Variants in HECW2 observed in about 807,000 individuals in gnomAD.
The protein encoded by HECW2 is HECT, C2 and WW domain containing E3 ubiquitin protein ligase 2, also known as E3 ubiquitin-protein ligase HECW2.
Under a neutral mutation model 175.2 loss-of-function variants are expected in HECW2, and 61 were observed. The observed-to-expected ratio is 0.35, with a 90% confidence interval of 0.28 to 0.43. The LOEUF is 0.43. HECW2 is among the 20% of genes least tolerant of loss of function. The probability of loss-of-function intolerance (pLI) is 1.00; values close to 1 mark genes in which losing one functional copy is unlikely to be tolerated. For missense variants in HECW2, 1,524 were observed against 2,000.5 expected, an observed-to-expected ratio of 0.76 and a Z score of 4.54; for synonymous variants, 671 against 731.0, an observed-to-expected ratio of 0.92 and a Z score of 1.32.
chr2:196,543,688 C>T (rs971256529), intron 1 of HECW2, among the ~76,000 whole-genome samples: 2 of 152,166 alleles, frequency 1.3e-5, no homozygotes, highest in Non-Finnish European at 2.9e-5. Context: ...TCTTGGCTCA[C>T]TGCAACTTCC....
chr2:196,243,171 C>CTTT (rs57767817), intron 19 of HECW2, among the ~76,000 whole-genome samples: 83,692 of 142,080 alleles, frequency 0.59, 25,493 homozygotes, highest in Non-Finnish European at 0.66. Context: ...TTATTGGATT[C>CTTT]TTTTTTTTTT....
chr2:196,348,850 A>G (rs545821861), intron 2 of HECW2, among the ~76,000 whole-genome samples: 1 of 152,176 alleles, frequency 6.6e-6, no homozygotes, highest in South Asian at 2.1e-4. Flanking sequence ...AACAATTCCA[A>G]ATCTGTCTCT....
chr2:196,566,699 A>AT (rs58391487), intron 1 of HECW2, among the ~76,000 whole-genome samples: 1,110 of 94,224 alleles, frequency 0.012, 8 homozygotes, highest in Non-Finnish European at 0.013. Context: ...CACCCAGCTA[A>AT]TTTTTTTTTT....
intron 13 of HECW2, 37 bp from the exon 14 acceptor site, chr2:196,292,787 T>C (rs916750913): frequency 6.5e-7 from 1 of 1,543,776 alleles, no homozygotes; most frequent in Admixed American, 1.8e-5. Context: ...TTAACCCACT[T>C]GTGACATGCA....
At chr2:196,469,113 G>GTA (rs1377581142) in intron 1 of HECW2, among the ~76,000 whole-genome samples, 1 of 87,588 alleles carries the variant, frequency 1.1e-5, no homozygotes, top group African/African-American at 3.8e-5. Flanking sequence ...GTGTGTGTGT[G>GTA]TGTGTGCGTG....
At chr2:196,255,170 T>TC (rs869185255) in intron 18 of HECW2, among the ~76,000 whole-genome samples, 4 of 148,082 alleles carry the variant, frequency 2.7e-5, no homozygotes, top group African/African-American at 9.9e-5. Context: ...TTTTTTTTTT[T>TC]AGTAGAGATG....
rs866817311 is a variant in HECW2, at chr2:196,195,117, T to C, written c.*6160A>G. 1 of 152,150 alleles carries C rather than the reference T, an allele frequency of 6.6e-6. No individual in the cohort carries two copies. The highest frequency in any genetic ancestry group is 6.5e-5 in the Admixed American group (1 of 15,286). The allele number at this position is 152,150 out of a possible 1,614,324, so 9.4% of individuals were successfully genotyped here. On this transcript the variant is annotated 3_prime_UTR_variant, in exon 29 of 29. Coordinates refer to ENST00000644978, the MANE Select transcript of HECW2 (RefSeq NM_001348768.2). ...ACTTATGCTATCATATAAAGAAAAATAGGTTGTAATTTTATCTTTTAGAGC... is the reference window on the plus strand; with the variant it reads ...ACTTATGCTATCATATAAAGAAAAACAGGTTGTAATTTTATCTTTTAGAGC...
At chr2:196,509,557 T>C (rs1687874784) in intron 1 of HECW2, among the ~76,000 whole-genome samples, 2 of 152,144 alleles carry the variant, frequency 1.3e-5, no homozygotes, top group Admixed American at 6.5e-5. Flanking sequence ...AATCAATCAT[T>C]AGCATACAAA....
At chr2:196,348,601 T>C (rs750944222) in intron 2 of HECW2, among the ~76,000 whole-genome samples, 15 of 152,086 alleles carry the variant, frequency 9.9e-5, no homozygotes, top group Non-Finnish European at 1.6e-4. Flanking sequence ...TGAGCCACGA[T>C]TGCACCACTG....
At chr2:196,418,648 A>G (rs1240149815) in intron 2 of HECW2, among the ~76,000 whole-genome samples, 1 of 152,214 alleles carries the variant, frequency 6.6e-6, no homozygotes, top group Non-Finnish European at 1.5e-5. Context: ...AAAAGACCAA[A>G]AAATGAGAGT....
At chr2:196,244,568 C>T (rs765108524) in intron 19 of HECW2, among the ~76,000 whole-genome samples, 27 of 152,062 alleles carry the variant, frequency 1.8e-4, no homozygotes, top group Middle Eastern at 3.4e-3. Flanking sequence ...CCCCAAGCCC[C>T]GCAAGCATTT....
intron 19 of HECW2, among the ~76,000 whole-genome samples, chr2:196,247,601 G>A (rs968294493): frequency 1.3e-5 from 2 of 152,094 alleles, no homozygotes; most frequent in Admixed American, 6.5e-5. Context: ...CAGACACTAG[G>A]GAGTTTTTGC....
At chr2:196,378,477 T>A (rs974302641) in intron 2 of HECW2, among the ~76,000 whole-genome samples, 3 of 152,150 alleles carry the variant, frequency 2.0e-5, no homozygotes, top group Non-Finnish European at 4.4e-5. Context: ...CTGCAATTCA[T>A]TAGAACACAT....
At chr2:196,368,725 T>C (rs1483867021) in intron 2 of HECW2, among the ~76,000 whole-genome samples, 5 of 152,084 alleles carry the variant, frequency 3.3e-5, no homozygotes, top group Non-Finnish European at 5.9e-5. Context: ...AAGATAATTT[T>C]TTCTTCTGCT....
chr2:196,522,625 A>T (rs1270065482), intron 1 of HECW2, among the ~76,000 whole-genome samples: 4 of 151,742 alleles, frequency 2.6e-5, no homozygotes, highest in Admixed American at 6.6e-5. Context: ...TAACGTTTAA[A>T]TCTTTAATCC....
At chr2:196,302,948 A>G (rs1208860692) in intron 13 of HECW2, among the ~76,000 whole-genome samples, 1 of 152,172 alleles carries the variant, frequency 6.6e-6, no homozygotes, top group East Asian at 1.9e-4. Context: ...TTCCAATACT[A>G]TGTTGAATAG....
intron 10 of HECW2, among the ~76,000 whole-genome samples, chr2:196,313,715 G>A (rs972541612): frequency 1.3e-5 from 2 of 152,096 alleles, no homozygotes; most frequent in Admixed American, 1.3e-4. Flanking sequence ...ATGAAAAGGT[G>A]CTAAAATAAC....
intron 2 of HECW2, among the ~76,000 whole-genome samples, chr2:196,395,818 C>T (rs2375849): frequency 0.73 from 111,518 of 151,954 alleles, 43,076 homozygotes; most frequent in East Asian, 0.94. Context: ...AAAAATTATA[C>T]GGTAATTCTT....
chr2:196,229,936 AAGTC>A (rs1559450464), intron 21 of HECW2, among the ~76,000 whole-genome samples: 2 of 152,220 alleles, frequency 1.3e-5, no homozygotes, highest in African/African-American at 4.8e-5. Context: ...TAAAATAAAA[AAGTC>A]AGTCTTTGTA....
Sources: allele counts gnomAD v4.1 joint callset (sites outside exome capture counted in the v4.1 genomes callset), GRCh38; gene constraint gnomAD v4.1.1; transcripts MANE v1.5; gene names NCBI Gene and HGNC (gene_info 2026-07-23, HGNC 2026-07-21).